SDK1: variants seen among roughly 807,000 people sequenced by gnomAD.
SDK1 encodes protein sidekick-1.
SDK1 carries 157 observed loss-of-function variants against 245.5 expected under a neutral mutation model. That is an observed-to-expected ratio of 0.64 (90% CI 0.56 to 0.73). The LOEUF (loss-of-function observed/expected upper bound fraction) is 0.73, where lower values mean the gene tolerates loss of function less well. Among genes scored for constraint, SDK1 ranks in the 30% least tolerant of loss-of-function variants. The pLI is 0.00. For missense variants in SDK1, 3,583 were observed against 3,002.3 expected (o/e 1.19, Z -4.52); for synonymous variants, 1,647 against 1,278.5 (o/e 1.29, Z -6.15).
chr7:3,935,090 C>T (rs1239404550), intron 5 of SDK1, among the ~76,000 whole-genome samples: 1 of 152,182 alleles, frequency 6.6e-6, no homozygotes, highest in African/African-American at 2.4e-5. Flanking sequence ...TATCTCTGGC[C>T]ACAGAATGGC....
intron 2 of SDK1, among the ~76,000 whole-genome samples, chr7:3,631,573 G>A (rs532430277): frequency 1.3e-5 from 2 of 152,090 alleles, no homozygotes; most frequent in Non-Finnish European, 1.5e-5. Context: ...ATATTAATGC[G>A]GTGTGACCTC....
intron 22 of SDK1, among the ~76,000 whole-genome samples, chr7:4,108,937 G>A (rs1374925980): frequency 1.3e-5 from 2 of 152,192 alleles, no homozygotes; most frequent in African/African-American, 4.8e-5. Flanking sequence ...CATGGACCTT[G>A]GGTCAGGCTT....
chr7:3,361,900 T>C (rs1192919577), intron 1 of SDK1, among the ~76,000 whole-genome samples: 2 of 152,236 alleles, frequency 1.3e-5, no homozygotes, highest in Non-Finnish European at 2.9e-5. Flanking sequence ...TTTTTTAAAA[T>C]ATCTTTTAAG....
At chr7:3,942,478 C>G (rs1250339039) in intron 5 of SDK1, among the ~76,000 whole-genome samples, 1 of 151,994 alleles carries the variant, frequency 6.6e-6, no homozygotes, top group Non-Finnish European at 1.5e-5. Flanking sequence ...CTGGACAACA[C>G]GATCAAAAAA....
At chr7:3,480,514 G>C (rs546939352) in intron 1 of SDK1, among the ~76,000 whole-genome samples, 2 of 152,050 alleles carry the variant, frequency 1.3e-5, no homozygotes, top group Non-Finnish European at 2.9e-5. Flanking sequence ...GAAGAACTTC[G>C]GTGTTCCCGA....
chr7:3,574,099 A>C (rs1780207137), intron 1 of SDK1, among the ~76,000 whole-genome samples: 1 of 151,440 alleles, frequency 6.6e-6, no homozygotes, highest in African/African-American at 2.4e-5. Context: ...TGATCAGACT[A>C]GACATATACC....
intron 17 of SDK1, among the ~76,000 whole-genome samples, chr7:4,047,258 T>G (rs1464884833): frequency 6.6e-6 from 1 of 152,222 alleles, no homozygotes; most frequent in African/African-American, 2.4e-5. Context: ...TGTTCATATG[T>G]TTTTCTATTT....
At chr7:3,732,613 C>G (rs1485318079) in intron 4 of SDK1, among the ~76,000 whole-genome samples, 1 of 152,214 alleles carries the variant, frequency 6.6e-6, no homozygotes, top group Non-Finnish European at 1.5e-5. Flanking sequence ...GGGAAGCATT[C>G]AAAGAGACTG....
At chr7:3,602,254 C>G (rs557119359) in intron 1 of SDK1, among the ~76,000 whole-genome samples, 42 of 151,576 alleles carry the variant, frequency 2.8e-4, no homozygotes, top group African/African-American at 9.4e-4. Flanking sequence ...AATCGCCACA[C>G]TGACTTCCAC....
rs183343528 is a variant in SDK1 at position 4,178,546 on chromosome 7, C to A, written c.5058C>A (p.Ser1686Arg). The A allele has an allele frequency of 6.2e-7, 1 of 1,613,484 alleles. No homozygotes were observed. Reference protein sequence around the residue: ...IMTAYNIIGESPASAPVEVFV... With the variant: ...IMTAYNIIGERPASAPVEVFV... ...CCGCCTATAACATCATCGGCGAGAGCCCAGCCAGCGCGCCCGTGGAGGTCT... is the reference window on the plus strand; with the variant it reads ...CCGCCTATAACATCATCGGCGAGAGACCAGCCAGCGCGCCCGTGGAGGTCT... The change falls in exon 35 of 45, where the codon AGC (serine) becomes AGA (arginine). Residue 1686 changes from serine to arginine, a missense_variant. Physicochemically the swap from Ser to Arg is moderately radical, Grantham distance 110 (BLOSUM62 -1). Coordinates refer to ENST00000404826, the MANE Select transcript of SDK1 (RefSeq NM_152744.4).
At chr7:3,998,096 G>C (rs1041318732) in intron 14 of SDK1, among the ~76,000 whole-genome samples, 4 of 152,164 alleles carry the variant, frequency 2.6e-5, no homozygotes, top group African/African-American at 9.7e-5. Context: ...AGGAGGCTAG[G>C]ATCTGCAGCC....
chr7:3,590,300 CTTTTTTT>C (rs200303832), intron 1 of SDK1, among the ~76,000 whole-genome samples: 63 of 96,134 alleles, frequency 6.6e-4, no homozygotes, highest in East Asian at 1.7e-3. Context: ...TTTCCTGTTC[CTTTTTTT>C]TTTTTTTTTT....
intron 3 of SDK1, among the ~76,000 whole-genome samples, chr7:3,639,638 A>T (rs1192943946): frequency 6.6e-6 from 1 of 152,160 alleles, no homozygotes; most frequent in Non-Finnish European, 1.5e-5. Context: ...AAGTAAACAA[A>T]GGAGATATCA....
chr7:3,502,296 C>T (rs1400846939), intron 1 of SDK1, among the ~76,000 whole-genome samples: 21 of 152,020 alleles, frequency 1.4e-4, no homozygotes, highest in Admixed American at 1.4e-3. Flanking sequence ...GGCCACCAGG[C>T]TGGAGTGCAG....
chr7:3,592,905 A>G (rs960049064), intron 1 of SDK1, among the ~76,000 whole-genome samples: 3 of 152,220 alleles, frequency 2.0e-5, no homozygotes, highest in Non-Finnish European at 2.9e-5. Flanking sequence ...CAGCCAGTGA[A>G]TAACCTGGAG....
intron 1 of SDK1, among the ~76,000 whole-genome samples, chr7:3,556,797 T>G (rs1779599982): frequency 6.6e-6 from 1 of 151,976 alleles, no homozygotes; most frequent in South Asian, 2.1e-4. Context: ...CTGTTTCAAA[T>G]AAATAAATAA....
Position 4,268,558 on chromosome 7 carries a change from C to T in SDK1, c.*3174C>T, listed in dbSNP as rs1399336067. 1.1e-5 allele frequency: 15 copies of T among 1,306,414 alleles called. No individual in the cohort carries two copies. The highest frequency in any genetic ancestry group is 4.5e-4 in the Middle Eastern group (2 of 4,456). The allele number at this position is 1,306,414 out of a possible 1,614,324, so 80.9% of individuals were successfully genotyped here. ...GCGCCTCCACAGCCCCGGGAGGTGG[C>T]TCACTCTGTACAGGTCTTCGGAGGC... On this transcript the variant is annotated 3_prime_UTR_variant, in exon 45 of 45. Transcript: ENST00000404826.
intron 17 of SDK1, among the ~76,000 whole-genome samples, chr7:4,022,170 A>C (rs1363310353): frequency 6.6e-6 from 1 of 152,218 alleles, no homozygotes; most frequent in Non-Finnish European, 1.5e-5. Context: ...AGCATAACTC[A>C]TAAAATTAAT....
At chr7:3,666,166 T>TC (rs1366809563) in intron 4 of SDK1, among the ~76,000 whole-genome samples, 1 of 152,132 alleles carries the variant, frequency 6.6e-6, no homozygotes, top group Non-Finnish European at 1.5e-5. Flanking sequence ...CCCACCCCAC[T>TC]CACCTTTAAA....
Sources: gnomAD v4.1 joint callset for allele counts (sites outside exome capture counted in the v4.1 genomes callset) on GRCh38, gnomAD v4.1.1 for gene constraint, MANE v1.5 for transcripts, NCBI Gene and HGNC (gene_info 2026-07-23, HGNC 2026-07-21) for gene names.